PRKDC: variants seen among roughly 807,000 people sequenced by gnomAD.
PRKDC encodes the protein protein kinase, DNA-activated, catalytic subunit.
Under a neutral mutation model 486.9 loss-of-function variants are expected in PRKDC, and 82 were observed. The ratio of observed to expected loss-of-function variants is 0.17; its 90% CI spans 0.14 to 0.20. The LOEUF (loss-of-function observed/expected upper bound fraction) is 0.20. PRKDC is among the 10% of genes least tolerant of loss of function. The pLI is 1.00. For synonymous variants in PRKDC, 1,895 were observed against 1,837.0 expected (o/e 1.03, Z -0.81); for missense variants, 4,504 against 5,038.2 (o/e 0.89, Z 3.21).
intron 44 of PRKDC, among the ~76,000 whole-genome samples, chr8:47,861,322 G>A (rs1253331574): frequency 6.6e-6 from 1 of 152,226 alleles, no homozygotes; most frequent in African/African-American, 2.4e-5. Context: ...CATAGTGCTT[G>A]TAATTGTTGT....
chr8:47,824,731 T>C (rs1276736395), intron 63 of PRKDC, among the ~76,000 whole-genome samples: 1 of 152,178 alleles, frequency 6.6e-6, no homozygotes, highest in African/African-American at 2.4e-5. Flanking sequence ...CTTAACAAAA[T>C]TCTGGCTTGA....
At position 47,893,227 on chromosome 8, in the gene PRKDC, C is replaced by T. The variant is rs8178087; in HGVS notation, c.3759G>A (p.Thr1253=). 6,859 of 1,612,656 alleles carry T rather than the reference C, an allele frequency of 4.3e-3. 227 individuals carry two copies. In the African/African-American group the frequency reaches 0.079, roughly 18 times the overall value. The change falls in exon 31 of 86, where the codon ACG becomes ACA. Residue 1253 remains threonine, a synonymous_variant. Transcript: ENST00000314191. ...YLRGPFSLQA[T]LCWLDLLLAA... ...CCAGGAGCAGGTCCAGCCAGCATAGCGTGGCCTGCAGGCTGAATGGCCCCC... is the reference window on the plus strand; with the variant it reads ...CCAGGAGCAGGTCCAGCCAGCATAGTGTGGCCTGCAGGCTGAATGGCCCCC...
Position 47,918,331 on chromosome 8 carries a change from T to C in PRKDC, c.2472A>G (p.Lys824=), listed in dbSNP as rs1304758623. The change falls in exon 22 of 86, where the codon AAA becomes AAG. Residue 824 remains lysine (K), a synonymous_variant. Transcript: ENST00000314191. The stretch of plus-strand genomic sequence containing the variant: ...GCTTTAACACCACTTTATTAAATCC[T>C]TTCTGGGCAGCCCGAGAAAGAGCTG... The part of the protein sequence containing the change: ...EVSALSRAAQ[K]GFNKVVLKHL... 1.3e-6 allele frequency: 2 copies of C among 1,597,252 alleles called. No individual in the cohort carries two copies. Among genetic ancestry groups the C allele is most frequent in the Admixed American group, 3.4e-5 (2 of 58,176 alleles).
chr8:47,784,565 G>T (rs1354084114), intron 77 of PRKDC, among the ~76,000 whole-genome samples: 1 of 152,142 alleles, frequency 6.6e-6, no homozygotes, highest in Non-Finnish European at 1.5e-5. Context: ...TGGCAAATTC[G>T]GGGTGAGGAA....
At chr8:47,878,103 G>GTTTTTT (rs1279419423) in intron 39 of PRKDC, among the ~76,000 whole-genome samples, 2 of 126,594 alleles carry the variant, frequency 1.6e-5, no homozygotes, top group African/African-American at 2.9e-5. Context: ...TTTTTTTTAG[G>GTTTTTT]TTTTTTTTTT....
rs8178193 is a variant in PRKDC, at chr8:47,828,610, A to G, written c.8398-263T>C. 0.023 allele frequency among the ~76,000 whole-genome samples: 3,532 copies of G among 152,280 alleles called. 146 individuals are homozygous for G. Among genetic ancestry groups the G allele is most frequent in the African/African-American group, 0.08 (3,309 of 41,520 alleles). ...AAGCTGGCTTAATCAATACATAATG[A>G]CATAGCTTCTCTCCTGAGTTAAGTC... is the stretch of plus-strand genomic sequence containing the variant. On this transcript the variant is annotated intron_variant, in intron 61 of 85. Coordinates refer to ENST00000314191, the MANE Select transcript of PRKDC (RefSeq NM_006904.7).
intron 77 of PRKDC, 65 bp from the exon 78 acceptor site, chr8:47,783,874 G>A: frequency 4.1e-6 from 6 of 1,471,122 alleles, no homozygotes; most frequent in Non-Finnish European, 5.7e-6. Flanking sequence ...TTTAAAACAT[G>A]CCTCTTGATC....
In PRKDC at chr8:47,879,479, C is replaced by T. The variant is rs775400600; in HGVS notation, c.5235+12G>A. ...AGTGTTTTAATTTTACTTGATACTA[C>T]TAGAAACTAACCTTTTTCATGCAGT... On this transcript the variant is annotated intron_variant, in intron 39 of 85. Transcript: ENST00000314191. 15 of 1,552,402 alleles carry T rather than the reference C, an allele frequency of 9.7e-6. No homozygotes were observed. In the South Asian group the frequency reaches 1.7e-4, roughly 18 times the overall value.
intron 80 of PRKDC, among the ~76,000 whole-genome samples, chr8:47,780,071 C>T (rs1261641388): frequency 2.6e-5 from 4 of 151,870 alleles, no homozygotes; most frequent in African/African-American, 9.7e-5. Flanking sequence ...CCCGCCACTA[C>T]ACCCAGCTAA....
intron 70 of PRKDC, 68 bp downstream of exon 70, chr8:47,803,238 G>C: frequency 2.8e-6 from 4 of 1,436,226 alleles, no homozygotes; most frequent in South Asian, 1.5e-5. Context: ...GCACAAAGAA[G>C]AGGAAGATAC....
In PRKDC at chr8:47,819,424, G is replaced by A; in HGVS notation, c.9423C>T (p.Phe3141=). 6.5e-7 allele frequency: 1 copy of A among 1,533,848 alleles called. No individual in the cohort carries two copies. The highest frequency in any genetic ancestry group is 8.7e-7 in the Non-Finnish European group (1 of 1,148,884). Residue 3141 remains phenylalanine, a synonymous_variant, in exon 67 of 86, where the codon TTC becomes TTT. Coordinates refer to ENST00000314191, the MANE Select transcript of PRKDC (RefSeq NM_006904.7). ...SVQALTEIQE[F]ISFISKQGNL... Reference sequence around the variant, plus strand: ...TACCTTGTTTGCTTATAAAGCTGATGAACTCCTGAATTTCTGTTAAAGCCT... The same window carrying A: ...TACCTTGTTTGCTTATAAAGCTGATAAACTCCTGAATTTCTGTTAAAGCCT...
chr8:47,865,469 A>AAT (rs1449459503), intron 40 of PRKDC, among the ~76,000 whole-genome samples: 1 of 152,176 alleles, frequency 6.6e-6, no homozygotes, highest in African/African-American at 2.4e-5. Flanking sequence ...CCCAAACAGA[A>AAT]ATATACCTGT....
At chr8:47,907,807 G>A (rs2089819617) in intron 25 of PRKDC, among the ~76,000 whole-genome samples, 1 of 152,138 alleles carries the variant, frequency 6.6e-6, no homozygotes, top group Middle Eastern at 3.4e-3. Flanking sequence ...GTATATACAC[G>A]TGTAAAAATA....
chr8:47,787,941 G>A (rs1472802073), intron 76 of PRKDC, among the ~76,000 whole-genome samples: 1 of 152,192 alleles, frequency 6.6e-6, no homozygotes, highest in Non-Finnish European at 1.5e-5. Flanking sequence ...ATGACTTAAG[G>A]ACCATGTGAA....
intron 45 of PRKDC, 121 bp downstream of exon 45, chr8:47,860,778 G>T: frequency 1.5e-6 from 1 of 679,730 alleles, no homozygotes; most frequent in South Asian, 2.1e-5. Flanking sequence ...ATGTTTTAGG[G>T]TACTTAAAGT....
intron 14 of PRKDC, among the ~76,000 whole-genome samples, chr8:47,934,490 G>A (rs1037095626): frequency 2.6e-5 from 4 of 152,250 alleles, no homozygotes; most frequent in Non-Finnish European, 4.4e-5. Context: ...AGCCAAGATC[G>A]TGCCACTGCA....
At chr8:47,868,382 A>C (rs1053500939) in intron 40 of PRKDC, among the ~76,000 whole-genome samples, 9 of 151,444 alleles carry the variant, frequency 5.9e-5, no homozygotes, top group Middle Eastern at 6.8e-3. Context: ...TTTAGGAAGA[A>C]CCTCTCTACG....
At chr8:47,877,910 G>C (rs1395408697) in intron 39 of PRKDC, 59 bp from the exon 40 acceptor site, 3 of 1,266,854 alleles carry the variant, frequency 2.4e-6, no homozygotes, top group Non-Finnish European at 3.1e-6. Flanking sequence ...TGCTTCAATA[G>C]TTAAATTATA....
rs2090713226 is a variant in PRKDC, at chr8:47,956,977, C to CAAAAAAAAAAA, written c.324+193_324+194insTTTTTTTTTTT. ...GGGCAACAAGAGCAAAACTCCTTCT[C>CAAAAAAAAAAA]CAAAAAAAAAAAAAAAAAAAAAAAC... On this transcript the variant is annotated intron_variant, in intron 3 of 85. Coordinates refer to ENST00000314191, the MANE Select transcript of PRKDC (RefSeq NM_006904.7). Among the ~76,000 whole-genome samples the CAAAAAAAAAAA allele has an allele frequency of 3.5e-4, 4 of 11,462 alleles. 1 individual carries two copies. The highest frequency in any genetic ancestry group is 5.7e-4 in the African/African-American group (3 of 5,230). The allele number at this position is 11,462 out of a possible 152,430, so 7.5% of individuals were successfully genotyped here. A position where few individuals can be genotyped will look rare whatever the true frequency, so the allele number is the denominator to read the frequency against.
Sources: allele counts gnomAD v4.1 joint callset (sites outside exome capture counted in the v4.1 genomes callset), GRCh38; gene constraint gnomAD v4.1.1; transcripts MANE v1.5; gene names NCBI Gene and HGNC (gene_info 2026-07-23, HGNC 2026-07-21).